The following PCDHA9 variants were observed in gnomAD, a reference collection of about 807,000 sequenced individuals.
PCDHA9 encodes protocadherin alpha 9.
In PCDHA9, 62 loss-of-function variants were observed where a neutral mutation model predicts 62.0. The observed-to-expected ratio is 1.00, with a 90% CI of 0.81 to 1.23. PCDHA9 has a LOEUF of 1.23. Ranked by LOEUF, PCDHA9 falls within the 50% of genes most tolerant of loss-of-function variation. The pLI is 0.00. For synonymous variants in PCDHA9, 557 were observed against 567.6 expected (o/e 0.98, Z 0.27); for missense variants, 1,205 against 1,249.8 (o/e 0.96, Z 0.54).
chr5:140,882,049 T>C, intron 1 of PCDHA9: 1 of 752,814 alleles, frequency 1.3e-6, no homozygotes, highest in Non-Finnish European at 2.1e-6. Flanking sequence ...TGAGTCATAC[T>C]TACACTTACA....
chr5:140,883,412 A>G, intron 1 of PCDHA9: 1 of 1,614,152 alleles, frequency 6.2e-7, no homozygotes, highest in African/African-American at 1.3e-5. Context: ...CTCTGGCTCA[A>G]ATGGACAGGT....
At position 140,928,315 on chromosome 5, in the gene PCDHA9, G is replaced by A. The variant is rs535660713; in HGVS notation, c.2395-50634G>A. On this transcript the variant is annotated intron_variant, in intron 1 of 3. Coordinates refer to ENST00000532602, the MANE Select transcript of PCDHA9 (RefSeq NM_031857.2). ...AGTGTTTGCCCAGGACCCCGACCTG[G>A]GGAAGAATGGCCTTGTCTCTTATGA... The A allele has an allele frequency of 1.3e-4, 210 of 1,614,054 alleles. No homozygotes were observed. Among genetic ancestry groups the A allele is most frequent in the Non-Finnish European group, 1.7e-4 (203 of 1,180,048 alleles).
At chr5:140,929,373 C>T (rs1563116244) in intron 1 of PCDHA9, 1 of 1,514,818 alleles carries the variant, frequency 6.6e-7, no homozygotes, top group Non-Finnish European at 8.8e-7. Context: ...GAGATGGCTG[C>T]TAGCTGTGTT....
chr5:140,946,561 T>C (rs1193170794), intron 1 of PCDHA9, among the ~76,000 whole-genome samples: 1 of 148,756 alleles, frequency 6.7e-6, no homozygotes, highest in Non-Finnish European at 1.5e-5. Context: ...AGTTCAGATA[T>C]AGAATCAACT....
chr5:140,875,260 C>T (rs2153321792), intron 1 of PCDHA9: 1 of 1,109,124 alleles, frequency 9.0e-7, no homozygotes, highest in Non-Finnish European at 1.2e-6. Context: ...CACATGATGT[C>T]GCTCTACACT....
At chr5:140,997,993 C>T (rs1356544638) in intron 3 of PCDHA9, among the ~76,000 whole-genome samples, 1 of 152,082 alleles carries the variant, frequency 6.6e-6, no homozygotes, top group Non-Finnish European at 1.5e-5. Flanking sequence ...TACATACTTC[C>T]CTCTGAGCCT....
At chr5:140,872,134 A>C (rs938546166) in intron 1 of PCDHA9, among the ~76,000 whole-genome samples, 1 of 152,112 alleles carries the variant, frequency 6.6e-6, no homozygotes, top group Non-Finnish European at 1.5e-5. Context: ...CAAAGCTAGA[A>C]TACTCCATTA....
chr5:140,859,198 T>C lies in PCDHA9; in HGVS notation c.2394+8309T>C, dbSNP rs1554152210. 2.0e-5 allele frequency: 3 copies of C among 149,984 alleles called. 1 individual carries two copies. The highest frequency in any genetic ancestry group is 7.3e-5 in the African/African-American group (3 of 40,916). The allele number at this position is 149,984 out of a possible 1,614,324, so 9.3% of individuals were successfully genotyped here. A position where few individuals can be genotyped will look rare whatever the true frequency, so the allele number is the denominator to read the frequency against. ...CAGCATTAGGCATTGCTTATGATAT[T>C]CAGGTATTAGCTCTTTCACTTTAAG... On this transcript the variant is annotated intron_variant, in intron 1 of 3. Coordinates refer to ENST00000532602, the MANE Select transcript of PCDHA9 (RefSeq NM_031857.2).
At chr5:140,968,990 T>C in intron 1 of PCDHA9, 1 of 1,614,254 alleles carries the variant, frequency 6.2e-7, no homozygotes, top group Non-Finnish European at 8.5e-7. Flanking sequence ...CACTGCATGC[T>C]GTGGAGGCTT....
chr5:140,967,595 G>A, intron 1 of PCDHA9: 1 of 1,614,168 alleles, frequency 6.2e-7, no homozygotes, highest in Non-Finnish European at 8.5e-7. Context: ...CACATTGGTG[G>A]TGAAGCTGAA....
intron 1 of PCDHA9, among the ~76,000 whole-genome samples, chr5:140,892,705 T>C (rs1395351366): frequency 6.6e-6 from 1 of 152,210 alleles, no homozygotes; most frequent in Non-Finnish European, 1.5e-5. Flanking sequence ...TCAGGGTAAT[T>C]AGCATATTCA....
rs192388233 is a variant in PCDHA9 at position 140,869,206 on chromosome 5, G to C, written c.2394+18317G>C. 4,858 of 1,613,972 alleles carry C rather than the reference G, an allele frequency of 3.0e-3. 14 individuals carry two copies. The highest frequency in any genetic ancestry group is 3.0e-3 in the Non-Finnish European group (3,497 of 1,179,950). On this transcript the variant is annotated intron_variant, in intron 1 of 3. Transcript: ENST00000532602. ...GGGGAGCGGCCAGCTCCACTACTCC[G>C]TCTCGGAGGAGGCCAAACACGGCAC...
At position 140,864,979 on chromosome 5, in the gene PCDHA9, CTTGAGACCAGGAGT is replaced by C. The variant is rs2153225793; in HGVS notation, c.2394+14101_2394+14114del. 3.3e-5 allele frequency: 5 copies of C among 152,266 alleles called. No homozygotes were observed. In the South Asian group the frequency reaches 1.0e-3, roughly 32 times the overall value. The allele number at this position is 152,266 out of a possible 1,614,324, so 9.4% of individuals were successfully genotyped here. A position where few individuals can be genotyped will look rare whatever the true frequency, so the allele number is the denominator to read the frequency against. On this transcript the variant is annotated intron_variant, in intron 1 of 3. Coordinates refer to ENST00000532602, the MANE Select transcript of PCDHA9 (RefSeq NM_031857.2). ...TTGGGAAGCCGAGGGAGGAGGATCG[CTTGAGACCAGGAGT>C]TTGAGACCAGCCTCGGCAACATAGT...
intron 3 of PCDHA9, among the ~76,000 whole-genome samples, chr5:141,003,222 G>A (rs1221950770): frequency 2.6e-5 from 4 of 152,224 alleles, no homozygotes; most frequent in Non-Finnish European, 4.4e-5. Flanking sequence ...CATGAAAGAG[G>A]AAAGCTGGAA....
chr5:140,850,334 A>G lies in PCDHA9; in HGVS notation c.1839A>G (p.Pro613=), dbSNP rs2041532425. ...CGTGGCTTTCATACGAGCTGCAGCCAGAAACGGCCAGCGCGAGCATCCCGT... is the reference window on the plus strand; with the variant it reads ...CGTGGCTTTCATACGAGCTGCAGCCGGAAACGGCCAGCGCGAGCATCCCGT... ...YNAWLSYELQ[P]ETASASIPFR... is the part of the protein sequence containing the mutation. Residue 613 remains proline, a synonymous_variant, in exon 1 of 4, where the codon CCA becomes CCG. Transcript: ENST00000532602. 6.3e-7 allele frequency: 1 copy of G among 1,597,666 alleles called. No homozygotes were observed.
At chr5:140,875,233 G>C in intron 1 of PCDHA9, 2 of 863,878 alleles carry the variant, frequency 2.3e-6, no homozygotes, top group Non-Finnish European at 3.3e-6. Context: ...GATCTTTCTT[G>C]TACTTACATA....
intron 1 of PCDHA9, among the ~76,000 whole-genome samples, chr5:140,951,086 T>A (rs2094547457): frequency 6.6e-6 from 1 of 152,066 alleles, no homozygotes; most frequent in Admixed American, 6.5e-5. Context: ...ATTTTCCTTT[T>A]TTTCTGATAA....
chr5:140,994,892 G>A (rs1554254386), intron 3 of PCDHA9, among the ~76,000 whole-genome samples: 2 of 152,192 alleles, frequency 1.3e-5, no homozygotes, highest in Non-Finnish European at 2.9e-5. Flanking sequence ...TAGGAAATGA[G>A]ATCAGAAATG....
chr5:140,871,291 G>C, intron 1 of PCDHA9: 1 of 1,613,906 alleles, frequency 6.2e-7, no homozygotes, highest in Non-Finnish European at 8.5e-7. Flanking sequence ...CACTGAGGGC[G>C]CGTGCGCGCC....
Sources: allele counts gnomAD v4.1 joint callset (sites outside exome capture counted in the v4.1 genomes callset), GRCh38; gene constraint gnomAD v4.1.1; transcripts MANE v1.5; gene names NCBI Gene and HGNC (gene_info 2026-07-23, HGNC 2026-07-21).